Variants in COL19A1 observed in about 807,000 individuals in gnomAD.
COL19A1 encodes collagen type XIX alpha 1 chain.
In COL19A1, 159 loss-of-function variants were observed where a neutral mutation model predicts 190.2. That is an observed-to-expected ratio of 0.84 (90% CI 0.73 to 0.95). The LOEUF (loss-of-function observed/expected upper bound fraction) is 0.95, where lower values mean the gene tolerates loss of function less well. COL19A1 is among the 40% of genes least tolerant of loss of function. The probability of loss-of-function intolerance (pLI) is 0.00; values close to 1 mark genes in which losing one functional copy is unlikely to be tolerated. For missense variants in COL19A1, 1,418 were observed against 1,431.9 expected, an observed-to-expected ratio of 0.99 and a Z score of 0.16; for synonymous variants, 509 against 458.9, an observed-to-expected ratio of 1.11 and a Z score of -1.39.
At chr6:69,953,844 A>G (rs1774263069) in intron 9 of COL19A1, among the ~76,000 whole-genome samples, 2 of 152,034 alleles carry the variant, frequency 1.3e-5, no homozygotes, top group African/African-American at 4.8e-5. Context: ...GCCATAAGAA[A>G]GCTCACACAC....
intron 48 of COL19A1, among the ~76,000 whole-genome samples, chr6:70,198,642 C>G (rs1306285678): frequency 6.6e-6 from 1 of 151,970 alleles, no homozygotes; most frequent in Non-Finnish European, 1.5e-5. Context: ...ATGATTTTAC[C>G]AAAATTAATT....
chr6:69,917,391 C>T (rs1369688139), intron 4 of COL19A1, among the ~76,000 whole-genome samples: 1 of 152,150 alleles, frequency 6.6e-6, no homozygotes, highest in African/African-American at 2.4e-5. Flanking sequence ...AAGTGTTAAG[C>T]ACTTACTAGG....
intron 30 of COL19A1, among the ~76,000 whole-genome samples, chr6:70,150,524 T>G (rs1786988905): frequency 6.6e-6 from 1 of 152,180 alleles, no homozygotes; most frequent in African/African-American, 2.4e-5. Flanking sequence ...GGCACAAATG[T>G]GTGTTTCAAA....
rs1467829497 is a variant in COL19A1, at chr6:69,921,413, T to TATATATC, written c.267-6492_267-6491insATCATAT. On this transcript the variant is annotated intron_variant, in intron 4 of 50. Coordinates refer to ENST00000620364, the MANE Select transcript of COL19A1 (RefSeq NM_001858.6). ...TATATATCATATATCATATATATCA[T>TATATATC]ATATCATATATATCATATATATCAT... is the stretch of plus-strand genomic sequence containing the variant. Among the ~76,000 whole-genome samples the TATATATC allele has an allele frequency of 7.2e-5, 7 of 97,196 alleles. 1 individual carries two copies. The highest frequency in any genetic ancestry group is 3.6e-4 in the African/African-American group (7 of 19,466). 63.8% of individuals were successfully genotyped at this position (97,196 alleles called of 152,430 possible).
chr6:70,035,969 T>A, intron 14 of COL19A1, 30 bp downstream of exon 14: 1 of 1,601,082 alleles, frequency 6.2e-7, no homozygotes, highest in Non-Finnish European at 8.6e-7. Flanking sequence ...AAATTCAAAA[T>A]TGAAATCCAT....
At position 70,142,813 on chromosome 6, in the gene COL19A1, G is replaced by A. The variant is rs763134497; in HGVS notation, c.1619G>A (p.Gly540Glu). Reference sequence around the variant, plus strand: ...TCCATGGGACCCAGAGGACCGCCAGGAGATGTTGTATGTATAATGTCTTTG... The same window carrying A: ...TCCATGGGACCCAGAGGACCGCCAGAAGATGTTGTATGTATAATGTCTTTG... ...AGSMGPRGPPGDVGLPGEHGI... is the reference protein window; with the variant it reads ...AGSMGPRGPPEDVGLPGEHGI... Residue 540 changes from glycine to glutamate, a missense_variant, in exon 23 of 51, where the codon GGA becomes GAA. Coordinates refer to ENST00000620364, the MANE Select transcript of COL19A1 (RefSeq NM_001858.6). The A allele has an allele frequency of 1.2e-6, 2 of 1,612,254 alleles. No homozygotes were observed. Among genetic ancestry groups the A allele is most frequent in the East Asian group, 2.2e-5 (1 of 44,822 alleles).
intron 31 of COL19A1, 43 bp from the exon 32 acceptor site, chr6:70,156,084 G>C: frequency 6.4e-7 from 1 of 1,571,154 alleles, no homozygotes; most frequent in Non-Finnish European, 8.7e-7. Flanking sequence ...TTTATAGACG[G>C]CTTTTATGAC....
intron 33 of COL19A1, 37 bp downstream of exon 33, chr6:70,156,406 C>T (rs921144403): frequency 5.0e-6 from 8 of 1,595,772 alleles, no homozygotes; most frequent in Middle Eastern, 1.8e-4. Context: ...CCTGTGGGAA[C>T]CTCAATTTAG....
At chr6:70,201,335 G>T (rs1436157688) in intron 49 of COL19A1, among the ~76,000 whole-genome samples, 1 of 152,202 alleles carries the variant, frequency 6.6e-6, no homozygotes, top group Non-Finnish European at 1.5e-5. Context: ...AAGGCTGTCA[G>T]TCAGAGGCAA....
chr6:69,922,043 G>T (rs1470239474), intron 4 of COL19A1, among the ~76,000 whole-genome samples: 1 of 152,020 alleles, frequency 6.6e-6, no homozygotes, highest in African/African-American at 2.4e-5. Context: ...TTTTATAACA[G>T]AAATTTTGGC....
intron 11 of COL19A1, among the ~76,000 whole-genome samples, chr6:70,003,815 G>T (rs184052688): frequency 5.6e-4 from 85 of 152,176 alleles, no homozygotes; most frequent in Admixed American, 2.0e-3. Context: ...AATGGGTCTT[G>T]ACTCTATCCA....
In COL19A1 at chr6:69,928,068, C is replaced by G. The variant is rs183574698; in HGVS notation, c.390+36C>G. The G allele has an allele frequency of 8.6e-4, 1,364 of 1,595,282 alleles. 22 individuals are homozygous for G. The Admixed American group carries it at 0.022, about 25-fold the overall frequency. ...ATTAGAGTTGTGCTCATTAGTTTTC[C>G]TTGTGTAATTAAGCCAGGTGAATTA... is the stretch of plus-strand genomic sequence containing the variant. On this transcript the variant is annotated intron_variant, in intron 5 of 50. Transcript: ENST00000620364.
intron 16 of COL19A1, among the ~76,000 whole-genome samples, chr6:70,112,706 A>T (rs190200058): frequency 1.3e-5 from 2 of 152,190 alleles, no homozygotes; most frequent in African/African-American, 4.8e-5. Flanking sequence ...TGGGTTAATT[A>T]TGCCCATTGA....
intron 11 of COL19A1, among the ~76,000 whole-genome samples, chr6:69,970,349 A>C (rs1389049708): frequency 2.0e-5 from 3 of 152,162 alleles, no homozygotes; most frequent in Non-Finnish European, 4.4e-5. Flanking sequence ...GAAATACTTT[A>C]TATGTAATAG....
intron 2 of COL19A1, among the ~76,000 whole-genome samples, chr6:69,885,514 CA>C (rs1768861729): frequency 6.6e-6 from 1 of 152,138 alleles, no homozygotes; most frequent in South Asian, 2.1e-4. Flanking sequence ...ATGAAAATCT[CA>C]AATGCAATAC....
intron 44 of COL19A1, among the ~76,000 whole-genome samples, chr6:70,183,761 T>TTTGCAGTTCC (rs1766328339): frequency 6.6e-6 from 1 of 152,236 alleles, no homozygotes; most frequent in Non-Finnish European, 1.5e-5. Context: ...CACGCAGTTC[T>TTTGCAGTTCC]TTGCAGTTCC....
At chr6:69,882,549 C>G (rs73478065) in intron 2 of COL19A1, among the ~76,000 whole-genome samples, 1,597 of 152,186 alleles carry the variant, frequency 0.01, 23 homozygotes, top group African/African-American at 0.032. Flanking sequence ...TTAATCTGTT[C>G]TAAGGCAAAA....
chr6:70,165,952 AC>A lies in COL19A1; in HGVS notation c.2417del (p.Pro806LeufsTer20), dbSNP rs1337561004. The A allele has an allele frequency of 1.2e-6, 2 of 1,613,870 alleles. No individual in the cohort carries two copies. On this transcript the variant is annotated frameshift_variant, in exon 37 of 51. Coordinates refer to ENST00000620364, the MANE Select transcript of COL19A1 (RefSeq NM_001858.6). LOFTEE classifies it high-confidence loss of function. ...GAKGEKGSDG[P>X]PGKPGPPGPP... ...TATATCCCTTGCAGGGCAGCGACGG[AC>A]CCCCTGGGAAACCCGGACCACCTGG...
intron 14 of COL19A1, among the ~76,000 whole-genome samples, chr6:70,051,008 G>A (rs1191984418): frequency 6.6e-6 from 1 of 151,988 alleles, no homozygotes; most frequent in Non-Finnish European, 1.5e-5. Context: ...TTTAGCTTGG[G>A]CATATCACTT....
Sources: gnomAD v4.1 joint callset for allele counts (sites outside exome capture counted in the v4.1 genomes callset) on GRCh38, gnomAD v4.1.1 for gene constraint, MANE v1.5 for transcripts, NCBI Gene and HGNC (gene_info 2026-07-23, HGNC 2026-07-21) for gene names.